The following STX18 variants were observed in gnomAD, a reference collection of about 807,000 sequenced individuals.
The protein encoded by STX18 is syntaxin-18.
In STX18, 40 loss-of-function variants were observed where a neutral mutation model predicts 50.1. The ratio of observed to expected loss-of-function variants is 0.80; its 90% CI spans 0.62 to 1.04. STX18 has a LOEUF of 1.04. Ranked by LOEUF, STX18 falls within the 50% of genes least tolerant of loss-of-function variation. The probability of loss-of-function intolerance (pLI) is 0.00; values close to 1 mark genes in which losing one functional copy is unlikely to be tolerated. For synonymous variants in STX18, 158 were observed against 151.8 expected, an observed-to-expected ratio of 1.04 and a Z score of -0.30; for missense variants, 410 against 415.8, an observed-to-expected ratio of 0.99 and a Z score of 0.12.
intron 5 of STX18, among the ~76,000 whole-genome samples, chr4:4,442,549 G>A (rs1474846473): frequency 2.6e-5 from 4 of 152,000 alleles, no homozygotes; most frequent in Non-Finnish European, 5.9e-5. Context: ...CCTGGGAGGT[G>A]GAGGTTTGCA....
chr4:4,539,558 G>C (rs1480766066), intron 1 of STX18, among the ~76,000 whole-genome samples: 1 of 152,150 alleles, frequency 6.6e-6, no homozygotes, highest in Non-Finnish European at 1.5e-5. Flanking sequence ...CTACGTCAGG[G>C]GGACAGTGTC....
chr4:4,455,222 T>C (rs1215757185), intron 5 of STX18, among the ~76,000 whole-genome samples: 2 of 152,220 alleles, frequency 1.3e-5, no homozygotes, highest in Non-Finnish European at 2.9e-5. Context: ...ATATCCTGAT[T>C]AAGCTGACTA....
chr4:4,429,803 A>G (rs1375595320), intron 7 of STX18, among the ~76,000 whole-genome samples: 3 of 152,218 alleles, frequency 2.0e-5, no homozygotes, highest in Non-Finnish European at 2.9e-5. Context: ...TTCTAGATGC[A>G]TGAGCTGAAA....
chr4:4,448,220 TC>T (rs1471951782), intron 5 of STX18, among the ~76,000 whole-genome samples: 1 of 152,228 alleles, frequency 6.6e-6, no homozygotes, highest in Non-Finnish European at 1.5e-5. Context: ...GAGATGAGAC[TC>T]CTTAAACCAC....
intron 1 of STX18, among the ~76,000 whole-genome samples, chr4:4,488,557 T>A (rs1286824989): frequency 6.6e-6 from 1 of 152,160 alleles, no homozygotes; most frequent in Non-Finnish European, 1.5e-5. Flanking sequence ...ACACAGCCCA[T>A]CAAGTATGGG....
rs539695620 is a variant in STX18 at position 4,486,681 on chromosome 4, C to T, written c.169-14975G>A. ...GCTGTATTTGAAATTAGGTCTACTC[C>T]ATAGCCTGTATTCTTAACTTTTCCT... On this transcript the variant is annotated intron_variant, in intron 1 of 10. Transcript: ENST00000306200. Among the ~76,000 whole-genome samples, 127 of 152,308 alleles carry T rather than the reference C, an allele frequency of 8.3e-4. 1 individual carries two copies. The Middle Eastern group carries it at 0.014, about 16-fold the overall frequency.
At chr4:4,439,658 C>T (rs998985620) in intron 5 of STX18, among the ~76,000 whole-genome samples, 5 of 150,514 alleles carry the variant, frequency 3.3e-5, no homozygotes, top group East Asian at 2.0e-4. Context: ...TACCCACACA[C>T]GTATATGTTC....
Position 4,419,351 on chromosome 4 carries a change from G to A in STX18, c.*683C>T, listed in dbSNP as rs904930701. ...TGTTCTGGGGGCAGCAGTCTTTGGA[G>A]GAGTAATGCCAGGCAGCCCCTCACT... On this transcript the variant is annotated 3_prime_UTR_variant, in exon 11 of 11. Coordinates refer to ENST00000306200, the MANE Select transcript of STX18 (RefSeq NM_016930.4). 2.6e-5 allele frequency: 4 copies of A among 151,608 alleles called. No individual in the cohort carries two copies. The highest frequency in any genetic ancestry group is 2.1e-4 in the South Asian group (1 of 4,800). The allele number at this position is 151,608 out of a possible 1,614,324, so 9.4% of individuals were successfully genotyped here. A position where few individuals can be genotyped will look rare whatever the true frequency, so the allele number is the denominator to read the frequency against.
chr4:4,523,355 C>T (rs1730604535), intron 1 of STX18, among the ~76,000 whole-genome samples: 1 of 151,944 alleles, frequency 6.6e-6, no homozygotes, highest in African/African-American at 2.4e-5. Context: ...TTGGGTGATC[C>T]CACTCTTTCC....
At chr4:4,483,404 C>A (rs939535062) in intron 1 of STX18, among the ~76,000 whole-genome samples, 1 of 152,148 alleles carries the variant, frequency 6.6e-6, no homozygotes, top group African/African-American at 2.4e-5. Flanking sequence ...CTCTTACACC[C>A]ATAGAAAAAA....
At chr4:4,533,481 A>G (rs562028296) in intron 1 of STX18, among the ~76,000 whole-genome samples, 42 of 152,374 alleles carry the variant, frequency 2.8e-4, no homozygotes, top group African/African-American at 1.0e-3. Context: ...TCGGGCACAT[A>G]AAGTCCTTAA....
At chr4:4,432,297 T>C (rs1725556507) in intron 7 of STX18, among the ~76,000 whole-genome samples, 1 of 152,182 alleles carries the variant, frequency 6.6e-6, no homozygotes, top group African/African-American at 2.4e-5. Flanking sequence ...TGAAACTGAA[T>C]TGTATATGAA....
At chr4:4,509,783 C>T (rs1729913454) in intron 1 of STX18, among the ~76,000 whole-genome samples, 1 of 151,080 alleles carries the variant, frequency 6.6e-6, no homozygotes, top group African/African-American at 2.4e-5. Flanking sequence ...GATGAACTTA[C>T]TGAAAAGATG....
At chr4:4,423,058 G>T (rs1317464089) in intron 9 of STX18, among the ~76,000 whole-genome samples, 2 of 152,236 alleles carry the variant, frequency 1.3e-5, no homozygotes, top group Non-Finnish European at 2.9e-5. Flanking sequence ...AGAGGCCTGG[G>T]TCTGAGCTCC....
At chr4:4,524,285 C>T (rs1730649758) in intron 1 of STX18, among the ~76,000 whole-genome samples, 1 of 152,202 alleles carries the variant, frequency 6.6e-6, no homozygotes, top group Non-Finnish European at 1.5e-5. Context: ...TGGCCACCCC[C>T]ATGCATTGCT....
chr4:4,439,102 A>C (rs1577322881), intron 5 of STX18, among the ~76,000 whole-genome samples: 3 of 130,324 alleles, frequency 2.3e-5, no homozygotes, highest in African/African-American at 5.7e-5. Context: ...ATATACCCCC[A>C]CACACATACC....
At position 4,489,391 on chromosome 4, in the gene STX18, A is replaced by ATTTTTTTTTTTTTTTTTTTTTTTTTTT. The variant is rs34563523; in HGVS notation, c.169-17712_169-17686dup. Among the ~76,000 whole-genome samples, 3 of 51,600 alleles carry ATTTTTTTTTTTTTTTTTTTTTTTTTTT rather than the reference A, an allele frequency of 5.8e-5. 1 individual carries two copies. Among genetic ancestry groups the ATTTTTTTTTTTTTTTTTTTTTTTTTTT allele is most frequent in the Admixed American group, 3.0e-4 (1 of 3,294 alleles). The allele number at this position is 51,600 out of a possible 152,430, so 33.9% of individuals were successfully genotyped here. A position where few individuals can be genotyped will look rare whatever the true frequency, so the allele number is the denominator to read the frequency against. ...AGCACTTCAATACACATGCAAAATA[A>ATTTTTTTTTTTTTTTTTTTTTTTTTTT]TTTTTTTTTTTTTTTTTTTTTTTTT... On this transcript the variant is annotated intron_variant, in intron 1 of 10. Coordinates refer to ENST00000306200, the MANE Select transcript of STX18 (RefSeq NM_016930.4).
intron 5 of STX18, among the ~76,000 whole-genome samples, chr4:4,447,385 C>G (rs1001323003): frequency 6.6e-6 from 1 of 151,338 alleles, no homozygotes; most frequent in Non-Finnish European, 1.5e-5. Context: ...GTCAGGAGAT[C>G]GAGACCATCC....
At chr4:4,429,428 C>T (rs1367851791) in intron 7 of STX18, among the ~76,000 whole-genome samples, 1 of 152,202 alleles carries the variant, frequency 6.6e-6, no homozygotes, top group African/African-American at 2.4e-5. Flanking sequence ...AAGAAAATCA[C>T]TCCTACAAAG....
Sources: allele counts gnomAD v4.1 joint callset (sites outside exome capture counted in the v4.1 genomes callset), GRCh38; gene constraint gnomAD v4.1.1; transcripts MANE v1.5; gene names NCBI Gene and HGNC (gene_info 2026-07-23, HGNC 2026-07-21).